GALNT17: variants seen among roughly 807,000 people sequenced by gnomAD.
The protein encoded by GALNT17 is UDP-GalNAc:polypeptide N-acetylgalactosaminyltransferase-like 3.
In GALNT17, 29 loss-of-function variants were observed where a neutral mutation model predicts 63.7. That is an observed-to-expected ratio of 0.46 (90% CI 0.34 to 0.62). GALNT17 has a LOEUF of 0.62. Among genes scored for constraint, GALNT17 ranks in the 20% least tolerant of loss-of-function variants. GALNT17 has a pLI of 0.01. For missense variants in GALNT17, 603 were observed against 799.6 expected, an observed-to-expected ratio of 0.75 and a Z score of 2.97; for synonymous variants, 305 against 318.3, an observed-to-expected ratio of 0.96 and a Z score of 0.45.
chr7:71,182,014 A>G (rs1788744435), intron 1 of GALNT17, among the ~76,000 whole-genome samples: 2 of 152,186 alleles, frequency 1.3e-5, no homozygotes, highest in Non-Finnish European at 2.9e-5. Context: ...CGTCTCTACT[A>G]AAAATACAAA....
chr7:71,301,737 G>T (rs890580732), intron 1 of GALNT17, among the ~76,000 whole-genome samples: 24 of 120,052 alleles, frequency 2.0e-4, no homozygotes. Context: ...TGTGTGAAAG[G>T]TTCTTACCAC....
At chr7:71,428,751 A>T (rs1428796975) in intron 5 of GALNT17, among the ~76,000 whole-genome samples, 2 of 152,120 alleles carry the variant, frequency 1.3e-5, no homozygotes, top group Non-Finnish European at 2.9e-5. Flanking sequence ...TCGTTTTTAA[A>T]GTGGTTCCAA....
At chr7:71,706,059 A>C (rs775244146) in intron 9 of GALNT17, among the ~76,000 whole-genome samples, 12 of 152,172 alleles carry the variant, frequency 7.9e-5, no homozygotes, top group Non-Finnish European at 1.3e-4. Flanking sequence ...CATGGTAGAA[A>C]AGCGGATGTG....
At chr7:71,403,332 T>C (rs1786905091) in intron 3 of GALNT17, among the ~76,000 whole-genome samples, 1 of 152,130 alleles carries the variant, frequency 6.6e-6, no homozygotes, top group Admixed American at 6.5e-5. Context: ...ACTAAGAAAT[T>C]GGCTTTGGTA....
chr7:71,180,422 C>T (rs1330829657), intron 1 of GALNT17, among the ~76,000 whole-genome samples: 2 of 152,038 alleles, frequency 1.3e-5, no homozygotes, highest in East Asian at 3.9e-4. Context: ...CCACCGCACC[C>T]AGCTAATGAG....
At chr7:71,515,591 A>C (rs1159051797) in intron 5 of GALNT17, among the ~76,000 whole-genome samples, 2 of 152,184 alleles carry the variant, frequency 1.3e-5, no homozygotes, top group African/African-American at 2.4e-5. Context: ...CTCCCTACTC[A>C]TGGATACAGG....
At chr7:71,383,050 G>A (rs971995777) in intron 2 of GALNT17, among the ~76,000 whole-genome samples, 1 of 151,950 alleles carries the variant, frequency 6.6e-6, no homozygotes, top group Admixed American at 6.6e-5. Flanking sequence ...TCTATTTTCT[G>A]TCAATGAATT....
chr7:71,427,740 A>G (rs1583943558), intron 5 of GALNT17, among the ~76,000 whole-genome samples: 1 of 152,010 alleles, frequency 6.6e-6, no homozygotes, highest in African/African-American at 2.4e-5. Context: ...GTGGCAGGCG[A>G]GCGAGCAAGC....
At chr7:71,336,075 G>A (rs1456717005) in intron 2 of GALNT17, among the ~76,000 whole-genome samples, 6 of 113,076 alleles carry the variant, frequency 5.3e-5, no homozygotes, top group Admixed American at 3.4e-4. Flanking sequence ...ACAGAGTGTC[G>A]CTCTTGTTGC....
At chr7:71,294,304 T>C (rs1044688678) in intron 1 of GALNT17, among the ~76,000 whole-genome samples, 1 of 152,198 alleles carries the variant, frequency 6.6e-6, no homozygotes, top group African/African-American at 2.4e-5. Flanking sequence ...TTGAGAACTT[T>C]TGGTTATTAT....
chr7:71,688,533 T>C (rs1791396010), intron 9 of GALNT17, among the ~76,000 whole-genome samples: 1 of 125,516 alleles, frequency 8.0e-6, no homozygotes, highest in Non-Finnish European at 1.6e-5. Flanking sequence ...AATTCCGTTT[T>C]TCTAATTATC....
At chr7:71,487,311 A>G (rs1455010056) in intron 5 of GALNT17, among the ~76,000 whole-genome samples, 1 of 152,162 alleles carries the variant, frequency 6.6e-6, no homozygotes, top group Non-Finnish European at 1.5e-5. Context: ...GGAGGAGGAA[A>G]AACATGGGTT....
Position 71,655,906 on chromosome 7 carries a change from T to A in GALNT17, c.1081-9505T>A, listed in dbSNP as rs80225137. Among the ~76,000 whole-genome samples, 811 of 152,262 alleles carry A rather than the reference T, an allele frequency of 5.3e-3. 10 individuals carry two copies. Among genetic ancestry groups the A allele is most frequent in the African/African-American group, 0.018 (749 of 41,564 alleles). ...TGTTGAGTTCTATAAGGGCCCTTGG[T>A]TGACTGACTTTAACTTTCTCTGCCT... is the stretch of plus-strand genomic sequence containing the variant. On this transcript the variant is annotated intron_variant, in intron 6 of 10. Coordinates refer to ENST00000333538, the MANE Select transcript of GALNT17 (RefSeq NM_022479.3).
chr7:71,331,982 T>C (rs1400087588), intron 1 of GALNT17, among the ~76,000 whole-genome samples: 1 of 152,218 alleles, frequency 6.6e-6, no homozygotes, highest in Non-Finnish European at 1.5e-5. Flanking sequence ...TTGTCACTTA[T>C]AGATAAAAAG....
intron 1 of GALNT17, among the ~76,000 whole-genome samples, chr7:71,272,434 AT>A (rs1184011068): frequency 2.0e-5 from 3 of 152,210 alleles, no homozygotes; most frequent in South Asian, 2.1e-4. Flanking sequence ...ACTATTTTGC[AT>A]TCTCACAGCT....
intron 3 of GALNT17, among the ~76,000 whole-genome samples, chr7:71,392,251 C>T (rs1160327119): frequency 3.3e-5 from 5 of 152,066 alleles, no homozygotes; most frequent in African/African-American, 4.8e-5. Flanking sequence ...AAGAGAGCAC[C>T]AGTAGGGGAC....
At chr7:71,410,442 C>T (rs1374702153) in intron 3 of GALNT17, among the ~76,000 whole-genome samples, 2 of 152,140 alleles carry the variant, frequency 1.3e-5, no homozygotes, top group South Asian at 2.1e-4. Context: ...GACGGGGTTT[C>T]ACCACGTTGG....
chr7:71,603,999 A>G (rs1023343862), intron 6 of GALNT17, among the ~76,000 whole-genome samples: 10 of 151,338 alleles, frequency 6.6e-5, no homozygotes, highest in Non-Finnish European at 1.2e-4. Flanking sequence ...TGCTAAGTGC[A>G]TACAGTGGAT....
chr7:71,473,038 C>T (rs1309370276), intron 5 of GALNT17, among the ~76,000 whole-genome samples: 1 of 152,154 alleles, frequency 6.6e-6, no homozygotes, highest in Non-Finnish European at 1.5e-5. Flanking sequence ...GGAAAGTATA[C>T]ATTGGCTCAG....
Sources: allele counts gnomAD v4.1 joint callset (sites outside exome capture counted in the v4.1 genomes callset), GRCh38; gene constraint gnomAD v4.1.1; transcripts MANE v1.5; gene names NCBI Gene and HGNC (gene_info 2026-07-23, HGNC 2026-07-21).